CCDC110: variants seen among roughly 807,000 people sequenced by gnomAD.
CCDC110 encodes coiled-coil domain containing 110, also known as coiled-coil domain-containing protein 110.
A neutral mutation model predicts 77.1 loss-of-function variants in CCDC110; 70 were observed. That is an observed-to-expected ratio of 0.91 (90% CI 0.75 to 1.11). The LOEUF (loss-of-function observed/expected upper bound fraction) is 1.11, where lower values mean the gene tolerates loss of function less well. Among genes scored for constraint, CCDC110 ranks in the 50% least tolerant of loss-of-function variants. The pLI, the probability that CCDC110 is intolerant of heterozygous loss-of-function variation, is 0.00. For synonymous variants in CCDC110, 295 were observed against 312.5 expected, an observed-to-expected ratio of 0.94 and a Z score of 0.59; for missense variants, 868 against 942.9, an observed-to-expected ratio of 0.92 and a Z score of 1.04.
At chr4:185,455,014 A>C (rs1328201243) in intron 6 of CCDC110, among the ~76,000 whole-genome samples, 2 of 152,160 alleles carry the variant, frequency 1.3e-5, no homozygotes, top group African/African-American at 4.8e-5. Context: ...ATTCTAGTGT[A>C]ATGGCAGCCT....
In CCDC110 at chr4:185,445,406, G is replaced by A; in HGVS notation, c.*96C>T. ...GCAAATATATAGCGCCTCATTATGA[G>A]TCATTTGAGATGAGTTAGATATGCA... On this transcript the variant is annotated 3_prime_UTR_variant, in exon 7 of 7. Coordinates refer to ENST00000307588, the MANE Select transcript of CCDC110 (RefSeq NM_152775.4). The A allele has an allele frequency of 1.1e-6, 1 of 908,612 alleles. No individual in the cohort carries two copies. Among genetic ancestry groups the A allele is most frequent in the Non-Finnish European group, 1.7e-6 (1 of 575,482 alleles). 56.3% of individuals were successfully genotyped at this position (908,612 alleles called of 1,614,324 possible). A position where few individuals can be genotyped will look rare whatever the true frequency, so the allele number is the denominator to read the frequency against.
Position 185,447,445 on chromosome 4 carries a change from G to A in CCDC110, c.2462-1903C>T, listed in dbSNP as rs1238279373. On this transcript the variant is annotated intron_variant, in intron 6 of 6. Coordinates refer to ENST00000307588, the MANE Select transcript of CCDC110 (RefSeq NM_152775.4). ...TCCACCCACCTTGGCCTCCCAAAGT[G>A]CTGGGATTACAGGCTTGATCCACCA... Among the ~76,000 whole-genome samples the A allele has an allele frequency of 2.0e-5, 3 of 152,182 alleles. No individual in the cohort carries two copies. In the East Asian group the frequency reaches 5.8e-4, roughly 29 times the overall value.
At chr4:185,467,399 C>T (rs144987487) in intron 2 of CCDC110, among the ~76,000 whole-genome samples, 1 of 152,150 alleles carries the variant, frequency 6.6e-6, no homozygotes, top group Non-Finnish European at 1.5e-5. Flanking sequence ...CACAGAATTA[C>T]GTGATTCTAG....
chr4:185,448,772 C>CT (rs1320736627), intron 6 of CCDC110, among the ~76,000 whole-genome samples: 1 of 152,150 alleles, frequency 6.6e-6, no homozygotes, highest in Non-Finnish European at 1.5e-5. Context: ...ATAGATGGAA[C>CT]TTTGTGTGTG....
chr4:185,460,331 C>A (rs1374616737), intron 5 of CCDC110, 93 bp from the exon 6 acceptor site: 7 of 864,760 alleles, frequency 8.1e-6, no homozygotes, highest in Non-Finnish European at 1.2e-5. Context: ...TATTTATGTA[C>A]CCTAAACAAG....
rs73873459 is a variant in CCDC110 at position 185,457,732 on chromosome 4, T to A, written c.2461+394A>T. ...TTATTTTGTGGGGGGAAAAAGTACT[T>A]GGACAAAGGTTTTGAAACATTGATT... is the stretch of plus-strand genomic sequence containing the variant. On this transcript the variant is annotated intron_variant, in intron 6 of 6. Transcript: ENST00000307588. 4.1e-3 allele frequency: 5,395 copies of A among 1,327,666 alleles called. 82 individuals carry two copies. The African/African-American group carries it at 0.047, about 11-fold the overall frequency. 82.2% of individuals were successfully genotyped at this position (1,327,666 alleles called of 1,614,324 possible).
At chr4:185,471,313 T>TG (rs1177704238) in intron 1 of CCDC110, among the ~76,000 whole-genome samples, 9 of 49,510 alleles carry the variant, frequency 1.8e-4, no homozygotes, top group Admixed American at 1.1e-3. Flanking sequence ...GCGGGACCTG[T>TG]GGGGGCAGAG....
rs376323751 is a variant in CCDC110, at chr4:185,462,653, T to C, written c.227A>G (p.Asn76Ser). The C allele has an allele frequency of 3.6e-5, 58 of 1,613,274 alleles. 2 individuals carry two copies. Among genetic ancestry groups the C allele is most frequent in the East Asian group, 3.3e-4 (15 of 44,862 alleles). Residue 76 changes from asparagine to serine, a missense_variant, in exon 4 of 7, where the codon AAT becomes AGT. Physicochemically the swap from Asn to Ser is conservative, Grantham distance 46. Transcript: ENST00000307588. ...TCAAAAGAAACATACCATGCTGACATTCTGCAAAGTCTGCATTCGCAAAGC... is the reference window on the plus strand; with the variant it reads ...TCAAAAGAAACATACCATGCTGACACTCTGCAAAGTCTGCATTCGCAAAGC... ...FQALRMQTLQ[N>S]VSMVQSEISE...
intron 2 of CCDC110, among the ~76,000 whole-genome samples, chr4:185,470,324 A>G (rs2095663542): frequency 6.7e-6 from 1 of 149,834 alleles, no homozygotes; most frequent in Admixed American, 6.6e-5. Flanking sequence ...CATAGCTTCT[A>G]TGTGTATCCT....
At position 185,460,041 on chromosome 4, in the gene CCDC110, G is replaced by T. The variant is rs529343630; in HGVS notation, c.546C>A (p.Asn182Lys). Reference sequence around the variant, plus strand: ...AATTTTCTGAAGGGTGTATAATTATGTTTGAAGATAAATTGTCTGTTGAAG... The same window carrying T: ...AATTTTCTGAAGGGTGTATAATTATTTTTGAAGATAAATTGTCTGTTGAAG... ...LRTSTDNLSS[N>K]IIIHPSENSD... The change falls in exon 6 of 7, where the codon AAC (asparagine) becomes AAA (lysine). Residue 182 changes from asparagine to lysine, a missense_variant. Physicochemically the swap from Asn to Lys is moderately conservative, Grantham distance 94 (BLOSUM62 0). Transcript: ENST00000307588. 4.3e-6 allele frequency: 7 copies of T among 1,613,638 alleles called. No individual in the cohort carries two copies. The highest frequency in any genetic ancestry group is 5.1e-6 in the Non-Finnish European group (6 of 1,179,716).
At position 185,445,222 on chromosome 4, in the gene CCDC110, C is replaced by A. The variant is rs2095606913; in HGVS notation, c.*280G>T. 1.7e-6 allele frequency: 2 copies of A among 1,173,650 alleles called. No homozygotes were observed. Among genetic ancestry groups the A allele is most frequent in the Non-Finnish European group, 1.2e-6 (1 of 842,286 alleles). 72.7% of individuals were successfully genotyped at this position (1,173,650 alleles called of 1,614,324 possible). Reference sequence around the variant, plus strand: ...AAATAGTATCTTTTATTTATATATACTTTTTTAAATGACAAATGTGGGTGA... The same window carrying A: ...AAATAGTATCTTTTATTTATATATAATTTTTTAAATGACAAATGTGGGTGA... On this transcript the variant is annotated 3_prime_UTR_variant, in exon 7 of 7. Coordinates refer to ENST00000307588, the MANE Select transcript of CCDC110 (RefSeq NM_152775.4).
chr4:185,463,183 T>C, intron 2 of CCDC110, 134 bp from the exon 3 acceptor site: 1 of 645,552 alleles, frequency 1.5e-6, no homozygotes, highest in Non-Finnish European at 2.7e-6. Context: ...ATTCACACTA[T>C]GCTAGTCACA....
At chr4:185,471,376 G>GGGCAGGGCTGA (rs2095667267) in intron 1 of CCDC110, 5 of 388,542 alleles carry the variant, frequency 1.3e-5, no homozygotes, top group African/African-American at 2.2e-5. Context: ...GGATGGGGCG[G>GGGCAGGGCTGA]AGGGACGGCA....
chr4:185,458,960 A>G lies in CCDC110; in HGVS notation c.1627T>C (p.Leu543=), dbSNP rs747879093. Residue 543 remains leucine (L), a synonymous_variant, in exon 6 of 7, where the codon TTA becomes CTA. Coordinates refer to ENST00000307588, the MANE Select transcript of CCDC110 (RefSeq NM_152775.4). ...TGTTCCTTACTTTTTAGTTGATCTAATGCTTCCATCATTTGTTGCTTCTCT... is the reference window on the plus strand; with the variant it reads ...TGTTCCTTACTTTTTAGTTGATCTAGTGCTTCCATCATTTGTTGCTTCTCT... ...SLEKQQMMEA[L]DQLKSKEHKT... 15 of 1,606,946 alleles carry G rather than the reference A, an allele frequency of 9.3e-6. No homozygotes were observed. Among genetic ancestry groups the G allele is most frequent in the Non-Finnish European group, 1.1e-5 (13 of 1,178,138 alleles).
intron 3 of CCDC110, 35 bp downstream of exon 3, chr4:185,462,959 A>T: frequency 6.4e-7 from 1 of 1,554,532 alleles, no homozygotes; most frequent in South Asian, 1.1e-5. Flanking sequence ...CTTTACCCAG[A>T]ATTTTGGAGA....
At chr4:185,466,245 T>C (rs185854701) in intron 2 of CCDC110, among the ~76,000 whole-genome samples, 3 of 152,040 alleles carry the variant, frequency 2.0e-5, no homozygotes, top group African/African-American at 4.8e-5. Context: ...TGTGGTGGCA[T>C]GTGCCTGTAA....
intron 4 of CCDC110, 118 bp from the exon 5 acceptor site, chr4:185,461,277 TC>T (rs1158517158): frequency 5.5e-6 from 3 of 544,858 alleles, no homozygotes; most frequent in Non-Finnish European, 9.8e-6. Context: ...AAACAGTCTT[TC>T]CCATCTTATA....
chr4:185,469,377 A>G (rs1325171367), intron 2 of CCDC110, among the ~76,000 whole-genome samples: 5 of 152,232 alleles, frequency 3.3e-5, no homozygotes, highest in Non-Finnish European at 2.9e-5. Flanking sequence ...TCTGGCAAGA[A>G]AGACTGTAAC....
At chr4:185,447,244 C>T (rs900750432) in intron 6 of CCDC110, among the ~76,000 whole-genome samples, 15 of 151,642 alleles carry the variant, frequency 9.9e-5, no homozygotes, top group South Asian at 2.1e-4. Flanking sequence ...TGCAGTGGCA[C>T]GATCTCGGCT....
Sources: allele counts gnomAD v4.1 joint callset (sites outside exome capture counted in the v4.1 genomes callset), GRCh38; gene constraint gnomAD v4.1.1; transcripts MANE v1.5; gene names NCBI Gene and HGNC (gene_info 2026-07-23, HGNC 2026-07-21).